ITPR1: variants seen among roughly 807,000 people sequenced by gnomAD.
ITPR1 encodes the protein inositol 1,4,5-trisphosphate-gated calcium channel ITPR1.
A neutral mutation model predicts 318.4 loss-of-function variants in ITPR1; 96 were observed. The ratio of observed to expected loss-of-function variants is 0.30; its 90% CI spans 0.26 to 0.36. The LOEUF (loss-of-function observed/expected upper bound fraction) is 0.36. Among genes scored for constraint, ITPR1 ranks in the 10% least tolerant of loss-of-function variants. The pLI, the probability that ITPR1 is intolerant of heterozygous loss-of-function variation, is 1.00. For missense variants in ITPR1, 2,440 were observed against 3,460.2 expected, an observed-to-expected ratio of 0.71 and a Z score of 7.40; for synonymous variants, 1,312 against 1,289.9, an observed-to-expected ratio of 1.02 and a Z score of -0.37.
At chr3:4,596,599 T>G (rs1346044247) in intron 4 of ITPR1, among the ~76,000 whole-genome samples, 1 of 152,208 alleles carries the variant, frequency 6.6e-6, no homozygotes, top group Non-Finnish European at 1.5e-5. Context: ...AAGTGTCACC[T>G]TTTTGGTTTG....
chr3:4,839,320 T>A (rs1287246141), intron 61 of ITPR1, among the ~76,000 whole-genome samples: 6 of 150,160 alleles, frequency 4.0e-5, no homozygotes, highest in Admixed American at 3.3e-4. Context: ...AGAGTGAAAT[T>A]CCATCTCAAA....
chr3:4,686,937 A>T (rs1350274682), intron 30 of ITPR1, among the ~76,000 whole-genome samples: 1 of 152,242 alleles, frequency 6.6e-6, no homozygotes, highest in East Asian at 1.9e-4. Context: ...CCTGTTAATA[A>T]GGGACAAATG....
At chr3:4,627,316 T>C (rs1216674357) in intron 4 of ITPR1, among the ~76,000 whole-genome samples, 1 of 152,092 alleles carries the variant, frequency 6.6e-6, no homozygotes, top group East Asian at 1.9e-4. Flanking sequence ...TATAAAAAAT[T>C]AGCCAGGCTT....
chr3:4,519,458 C>T (rs942712687), intron 3 of ITPR1, among the ~76,000 whole-genome samples: 1 of 152,166 alleles, frequency 6.6e-6, no homozygotes, highest in Non-Finnish European at 1.5e-5. Flanking sequence ...ATCTCTTGAC[C>T]TCGTGATCCG....
At chr3:4,802,454 G>A (rs1371360519) in intron 54 of ITPR1, among the ~76,000 whole-genome samples, 2 of 152,138 alleles carry the variant, frequency 1.3e-5, no homozygotes, top group South Asian at 2.1e-4. Context: ...CTGTAGCGAC[G>A]CTTTGATTAG....
At chr3:4,587,175 G>A (rs12633680) in intron 4 of ITPR1, among the ~76,000 whole-genome samples, 98,303 of 151,558 alleles carry the variant, frequency 0.65, 33,271 homozygotes, top group Non-Finnish European at 0.77. Flanking sequence ...TGCAGATTCC[G>A]AAACAGCCTG....
intron 4 of ITPR1, among the ~76,000 whole-genome samples, chr3:4,542,685 G>GTA (rs1553616569): frequency 2.1e-4 from 3 of 14,234 alleles, no homozygotes; most frequent in Non-Finnish European, 1.9e-3. Context: ...GTGTGTGGCG[G>GTA]GGGGGTGGGT....
At chr3:4,562,176 G>C (rs923995232) in intron 4 of ITPR1, among the ~76,000 whole-genome samples, 2 of 152,096 alleles carry the variant, frequency 1.3e-5, no homozygotes, top group Non-Finnish European at 2.9e-5. Context: ...TGCATTCAAA[G>C]CCATCCTGGG....
chr3:4,668,829 A>G (rs2094009484), intron 18 of ITPR1, among the ~76,000 whole-genome samples: 1 of 152,182 alleles, frequency 6.6e-6, no homozygotes, highest in African/African-American at 2.4e-5. Flanking sequence ...TATAATCAGT[A>G]AGAGTCTTGC....
chr3:4,537,184 C>G (rs1035073045), intron 4 of ITPR1, among the ~76,000 whole-genome samples: 2 of 151,994 alleles, frequency 1.3e-5, no homozygotes, highest in African/African-American at 4.8e-5. Flanking sequence ...TTTTTTTATT[C>G]TCTAGGGGAG....
chr3:4,609,216 G>A (rs2091934105), intron 4 of ITPR1, among the ~76,000 whole-genome samples: 2 of 149,584 alleles, frequency 1.3e-5, no homozygotes, highest in South Asian at 2.1e-4. Context: ...CCTCTATTTG[G>A]GGTGGGAAGG....
At chr3:4,667,331 T>G (rs2093972383) in intron 17 of ITPR1, 46 bp from the exon 18 acceptor site, 6 of 1,448,474 alleles carry the variant, frequency 4.1e-6, no homozygotes, top group Non-Finnish European at 4.7e-6. Context: ...TTAACCATAT[T>G]GTCATTTATC....
chr3:4,753,993 G>C (rs2044747967), intron 44 of ITPR1, among the ~76,000 whole-genome samples: 1 of 144,676 alleles, frequency 6.9e-6, no homozygotes, highest in Admixed American at 7.0e-5. Context: ...CCTTGCTAAA[G>C]ATGCAGGATA....
intron 40 of ITPR1, among the ~76,000 whole-genome samples, chr3:4,720,022 T>C (rs2042039087): frequency 6.6e-6 from 1 of 152,216 alleles, no homozygotes; most frequent in African/African-American, 2.4e-5. Context: ...AGCCGCCACC[T>C]AAATCAAGAC....
At chr3:4,509,435 A>G (rs2081633224) in intron 2 of ITPR1, among the ~76,000 whole-genome samples, 1 of 152,236 alleles carries the variant, frequency 6.6e-6, no homozygotes, top group African/African-American at 2.4e-5. Context: ...AAAAGGGCCA[A>G]GTAGGTTTCT....
At chr3:4,496,869 A>T (rs941162766) in intron 2 of ITPR1, among the ~76,000 whole-genome samples, 14 of 152,230 alleles carry the variant, frequency 9.2e-5, no homozygotes, top group Non-Finnish European at 1.9e-4. Context: ...AACACCAAAT[A>T]TGAACAACAG....
Position 4,659,543 on chromosome 3 carries a change from C to T in ITPR1, c.1151+1265C>T, listed in dbSNP as rs182872757. Among the ~76,000 whole-genome samples the T allele has an allele frequency of 3.2e-4, 48 of 151,970 alleles. No homozygotes were observed. The East Asian group carries it at 7.7e-3, about 25-fold the overall frequency. On this transcript the variant is annotated intron_variant, in intron 13 of 61. Coordinates refer to ENST00000649015, the MANE Select transcript of ITPR1 (RefSeq NM_001378452.1). ...TACAAAAAAAATGCAAAAATTTAAC[C>T]GGGCATGGTGGCACACACCTGTAGT...
intron 4 of ITPR1, among the ~76,000 whole-genome samples, chr3:4,610,813 G>A (rs2092025360): frequency 6.6e-6 from 1 of 151,984 alleles, no homozygotes. Flanking sequence ...TTCAGGTGGA[G>A]TGGCAAATTT....
At chr3:4,683,048 A>C (rs1003719007) in intron 26 of ITPR1, among the ~76,000 whole-genome samples, 2 of 152,210 alleles carry the variant, frequency 1.3e-5, no homozygotes, top group African/African-American at 4.8e-5. Flanking sequence ...TAAACTAATA[A>C]CTTAGGAGAA....
Sources: allele counts gnomAD v4.1 joint callset (sites outside exome capture counted in the v4.1 genomes callset), GRCh38; gene constraint gnomAD v4.1.1; transcripts MANE v1.5; gene names NCBI Gene and HGNC (gene_info 2026-07-23, HGNC 2026-07-21).